Variants in CLIP3 observed in about 807,000 individuals in gnomAD.
CLIP3 encodes the protein CAP-Gly domain containing linker protein 3.
CLIP3 carries 15 observed loss-of-function variants against 59.4 expected under a neutral mutation model. The observed-to-expected ratio is 0.25, with a 90% confidence interval of 0.17 to 0.39. CLIP3 has a LOEUF of 0.39. Among genes scored for constraint, CLIP3 ranks in the 10% least tolerant of loss-of-function variants. The pLI is 1.00. For missense variants in CLIP3, 495 were observed against 765.7 expected, an observed-to-expected ratio of 0.65 and a Z score of 4.17; for synonymous variants, 300 against 321.6, an observed-to-expected ratio of 0.93 and a Z score of 0.72.
chr19:36,026,530 C>A lies in CLIP3; in HGVS notation c.562+56G>T. On this transcript the variant is annotated intron_variant, in intron 5 of 13. Transcript: ENST00000360535. This position sits in a 1 kb window ranked among gnomAD's most constrained non-coding sequence, Gnocchi z 6.3. ...CCTCGCAGCCTGGCCTCACCTGGGTCTCCGCGTCCCTCACCCAGGTCCTTG... is the reference window on the plus strand; with the variant it reads ...CCTCGCAGCCTGGCCTCACCTGGGTATCCGCGTCCCTCACCCAGGTCCTTG... 1 of 1,600,338 alleles carries A rather than the reference C, an allele frequency of 6.2e-7. No homozygotes were observed.
chr19:36,025,465 C>T (rs1239682380), intron 6 of CLIP3, among the ~76,000 whole-genome samples: 1 of 151,938 alleles, frequency 6.6e-6, no homozygotes, highest in Non-Finnish European at 1.5e-5. Flanking sequence ...GTGGCGCATG[C>T]CTATAATTCT....
intron 2 of CLIP3, among the ~76,000 whole-genome samples, chr19:36,031,028 T>C (rs1457244804): frequency 1.2e-4 from 14 of 120,158 alleles, no homozygotes; most frequent in African/African-American, 3.7e-4. Context: ...TTTTTCTTTT[T>C]TTTTTTTTTT....
chr19:36,021,165 C>A (rs1968942242), intron 7 of CLIP3, among the ~76,000 whole-genome samples: 1 of 151,924 alleles, frequency 6.6e-6, no homozygotes, highest in African/African-American at 2.4e-5. Flanking sequence ...AGGTGTGAAG[C>A]CACTGTGCTC....
In CLIP3 at chr19:36,016,590, C is replaced by T. The variant is rs542637153; in HGVS notation, c.1589+317G>A. ...CTTGAACTCCTGACCTCAGGTGATC[C>T]GCCTGCCTTGGCCTCCCAAAGTGCT... On this transcript the variant is annotated intron_variant, in intron 13 of 13. Transcript: ENST00000360535. The surrounding 1 kb of genome is among the most constrained non-coding windows in gnomAD (Gnocchi z 4.1). Among the ~76,000 whole-genome samples the T allele has an allele frequency of 2.2e-4, 34 of 152,302 alleles. No homozygotes were observed. The highest frequency in any genetic ancestry group is 3.4e-3 in the Middle Eastern group (1 of 294).
chr19:36,029,312 A>AG, intron 2 of CLIP3, among the ~76,000 whole-genome samples: 1 of 151,432 alleles, frequency 6.6e-6, no homozygotes. Flanking sequence ...GTCTCAAAAA[A>AG]AAAAAAAAAA....
At chr19:36,024,710 C>G (rs1969049302) in intron 6 of CLIP3, 78 bp from the exon 7 acceptor site, 1 of 1,381,490 alleles carries the variant, frequency 7.2e-7, no homozygotes, top group Admixed American at 1.8e-5. Flanking sequence ...CCCTAGAGAC[C>G]ACCAGTCTGG....
At position 36,024,561 on chromosome 19, in the gene CLIP3, C is replaced by T. The variant is rs147384278; in HGVS notation, c.753G>A (p.Ala251=). 205 of 1,614,226 alleles carry T rather than the reference C, an allele frequency of 1.3e-4. No individual in the cohort carries two copies. The highest frequency in any genetic ancestry group is 5.1e-4 in the African/African-American group (38 of 75,058). The change falls in exon 7 of 14, where the codon GCG becomes GCA. Residue 251 remains alanine, a synonymous_variant. Coordinates refer to ENST00000360535, the MANE Select transcript of CLIP3 (RefSeq NM_015526.3). ...TCCGCAGCTCCTTGGCCACCAGTGC[C>T]GCCTCTGCCTTGTCCAGGGACATGT... ...PMDMSLDKAE[A]ALVAKELRTL...
At position 36,018,923 on chromosome 19, in the gene CLIP3, G is replaced by A. The variant is rs759875922; in HGVS notation, c.1158C>T (p.Thr386=). ...RTPRMDFSRV[T]GKGRREHKGK... ...CTTTGTGTTCCCTGCGGCCTTTGCC[G>A]GTGACACGGGAGAAGTCCATCCGGG... Residue 386 remains threonine (T), a synonymous_variant, in exon 9 of 14, where the codon ACC becomes ACT. Transcript: ENST00000360535. The A allele has an allele frequency of 6.8e-6, 11 of 1,613,392 alleles. No homozygotes were observed. The highest frequency in any genetic ancestry group is 8.5e-6 in the Non-Finnish European group (10 of 1,179,718).
At chr19:36,017,106 A>G in intron 12 of CLIP3, 127 bp from the exon 13 acceptor site, 1 of 1,000,496 alleles carries the variant, frequency 1.0e-6, no homozygotes, top group Non-Finnish European at 1.5e-6. Flanking sequence ...TACATTCCCA[A>G]TACCCATCTG....
chr19:36,027,201 G>A lies in CLIP3; in HGVS notation c.237C>T (p.Pro79=), dbSNP rs201187078. ...ACTGGCGCACAATGGCAAACAGCTC[G>A]GGGATGGTGGTCTGAGGGTCAAACA... is the stretch of plus-strand genomic sequence containing the variant. ...EILFDPQTTI[P]ELFAIVRQWV... is the part of the protein sequence containing the mutation. The change falls in exon 3 of 14, where the codon CCC becomes CCT. Residue 79 remains proline, a synonymous_variant. Transcript: ENST00000360535. The A allele has an allele frequency of 2.9e-5, 46 of 1,613,868 alleles. No homozygotes were observed. The African/African-American group carries it at 4.9e-4, about 17-fold the overall frequency.
rs777060680 is a variant in CLIP3, at chr19:36,026,594, C to G, written c.554G>C (p.Arg185Thr). 2 of 1,613,556 alleles carry G rather than the reference C, an allele frequency of 1.2e-6. No homozygotes were observed. The highest frequency in any genetic ancestry group is 1.1e-5 in the South Asian group (1 of 91,084). ...AGGGCTCTCCTCCTCACCTCGCGGC[C>G]TCGCACCCTTCAGCAGCACACGCAC... ...DLVRVLLKGA[R>T]PRVVNSTCSD... is the part of the protein sequence containing the mutation. Residue 185 changes from arginine (R) to threonine (T), a missense_variant, in exon 5 of 14, where the codon AGG becomes ACG. Coordinates refer to ENST00000360535, the MANE Select transcript of CLIP3 (RefSeq NM_015526.3). This position sits in a 1 kb window ranked among gnomAD's most constrained non-coding sequence, Gnocchi z 6.3.
intron 7 of CLIP3, 40 bp downstream of exon 7, chr19:36,024,356 A>ACCCC: frequency 1.3e-6 from 2 of 1,486,520 alleles, no homozygotes; most frequent in South Asian, 1.2e-5. Flanking sequence ...GCTGAGTCCC[A>ACCCC]CCCCCACCCA....
rs1969099827 is a variant in CLIP3, at chr19:36,026,145, A to AC, written c.681+1dup. 6.2e-7 allele frequency: 1 copy of AC among 1,610,128 alleles called. No homozygotes were observed. The highest frequency in any genetic ancestry group is 1.1e-5 in the South Asian group (1 of 90,930). Reference sequence around the variant, plus strand: ...ACGGGTTCTGGGCAAGGGTGGCAGTACCCTCAGCGCAGGGTTGGCGCCGTG... The same window carrying AC: ...ACGGGTTCTGGGCAAGGGTGGCAGTACCCCTCAGCGCAGGGTTGGCGCCGTG... On this transcript the variant is annotated splice_donor_variant, in intron 6 of 13. Transcript: ENST00000360535. LOFTEE classifies it high-confidence loss of function. This position sits in a 1 kb window ranked among gnomAD's most constrained non-coding sequence, Gnocchi z 6.3.
At chr19:36,028,134 C>T (rs1392070030) in intron 2 of CLIP3, among the ~76,000 whole-genome samples, 1 of 152,014 alleles carries the variant, frequency 6.6e-6, no homozygotes, top group Admixed American at 6.6e-5. Context: ...GTCAGGAGTT[C>T]GAGACCAGCC....
At chr19:36,020,584 G>A (rs1968927880) in intron 7 of CLIP3, among the ~76,000 whole-genome samples, 1 of 152,072 alleles carries the variant, frequency 6.6e-6, no homozygotes, top group African/African-American at 2.4e-5. Context: ...GAGCAACAGA[G>A]CAAGACTCTG....
At position 36,032,175 on chromosome 19, in the gene CLIP3, G is replaced by A; in HGVS notation, c.166+17C>T. 2.4e-6 allele frequency: 3 copies of A among 1,245,318 alleles called. No homozygotes were observed. The highest frequency in any genetic ancestry group is 2.0e-6 in the Non-Finnish European group (2 of 979,944). 77.1% of individuals were successfully genotyped at this position (1,245,318 alleles called of 1,614,324 possible). A position where few individuals can be genotyped will look rare whatever the true frequency, so the allele number is the denominator to read the frequency against. On this transcript the variant is annotated intron_variant, in intron 2 of 13. Coordinates refer to ENST00000360535, the MANE Select transcript of CLIP3 (RefSeq NM_015526.3). The surrounding 1 kb of genome is among the most constrained non-coding windows in gnomAD (Gnocchi z 4.3). The stretch of plus-strand genomic sequence containing the variant: ...CCAACGCTCCAGGCCAGATTCCAGG[G>A]TGGGGACAGTGGTTACCGTAGTCCT...
In CLIP3 at chr19:36,017,939, G is replaced by A. The variant is rs145094010; in HGVS notation, c.1236C>T (p.Asp412=). ...SPSLGSLQQR[D]GAKAEVGDQV... ...GGTCTCCAACCTCAGCCTTGGCCCCGTCACGCTGCTGCAAGCTGCCCAGAG... is the reference window on the plus strand; with the variant it reads ...GGTCTCCAACCTCAGCCTTGGCCCCATCACGCTGCTGCAAGCTGCCCAGAG... The change falls in exon 10 of 14, where the codon GAC becomes GAT. Residue 412 remains aspartate (D), a synonymous_variant. Transcript: ENST00000360535. The A allele has an allele frequency of 6.4e-5, 103 of 1,614,134 alleles. No homozygotes were observed. The highest frequency in any genetic ancestry group is 5.9e-4 in the African/African-American group (44 of 75,044).
In CLIP3 at chr19:36,017,916, T is replaced by C. The variant is rs1382364989; in HGVS notation, c.1259A>G (p.Asp420Gly). ...CTTCTGGCCCGCGACAAGGACCTGG[T>C]CTCCAACCTCAGCCTTGGCCCCGTC... ...QRDGAKAEVG[D>G]QVLVAGQKQG... The change falls in exon 10 of 14, where the codon GAC becomes GGC. Residue 420 changes from aspartate (D) to glycine (G), a missense_variant. By Grantham distance (94) the Asp-to-Gly change is moderately conservative. This residue lies in a region of CLIP3 where 179 missense variants were observed against 226.2 expected (regional missense o/e 0.79). Transcript: ENST00000360535. 1.2e-6 allele frequency: 2 copies of C among 1,613,914 alleles called. No homozygotes were observed. Among genetic ancestry groups the C allele is most frequent in the Non-Finnish European group, 8.5e-7 (1 of 1,180,012 alleles).
At position 36,026,153 on chromosome 19, in the gene CLIP3, C is replaced by T. The variant is rs1482508184; in HGVS notation, c.675G>A (p.Ala225=). ...KCLLEHGANP[A]LRNRKGQVPA... ...TGGGCAAGGGTGGCAGTACCCTCAG[C>T]GCAGGGTTGGCGCCGTGCTCCAGCA... The change falls in exon 6 of 14, where the codon GCG becomes GCA. Residue 225 remains alanine (A), a synonymous_variant. Coordinates refer to ENST00000360535, the MANE Select transcript of CLIP3 (RefSeq NM_015526.3). The surrounding 1 kb of genome is among the most constrained non-coding windows in gnomAD (Gnocchi z 6.3). 1.2e-5 allele frequency: 20 copies of T among 1,612,684 alleles called. No individual in the cohort carries two copies. Among genetic ancestry groups the T allele is most frequent in the Non-Finnish European group, 1.5e-5 (18 of 1,179,188 alleles).
Sources: gnomAD v4.1 joint callset for allele counts (sites outside exome capture counted in the v4.1 genomes callset) on GRCh38, gnomAD v4.1.1 for gene constraint, gnomAD v4.1.1 regional missense constraint, Gnocchi (gnomAD v3.1) non-coding constraint, MANE v1.5 for transcripts, NCBI Gene and HGNC (gene_info 2026-07-23, HGNC 2026-07-21) for gene names.